The following PHKB variants were observed in gnomAD, a reference collection of about 807,000 sequenced individuals.
PHKB encodes the protein phosphorylase kinase regulatory subunit beta.
In PHKB, 122 loss-of-function variants were observed where a neutral mutation model predicts 152.1. That is an observed-to-expected ratio of 0.80 (90% CI 0.69 to 0.93). PHKB has a LOEUF of 0.93. Ranked by LOEUF, PHKB falls within the 40% of genes least tolerant of loss-of-function variation. The pLI, the probability that PHKB is intolerant of heterozygous loss-of-function variation, is 0.00. For synonymous variants in PHKB, 436 were observed against 464.9 expected (o/e 0.94, Z 0.80); for missense variants, 1,304 against 1,328.4 (o/e 0.98, Z 0.29).
intron 7 of PHKB, among the ~76,000 whole-genome samples, chr16:47,548,602 G>A (rs1243675471): frequency 2.1e-5 from 3 of 139,572 alleles, no homozygotes; most frequent in Admixed American, 1.4e-4. Context: ...GCAAGACTCC[G>A]TCTCAAAAAA....
chr16:47,513,776 G>A (rs1034273878), intron 5 of PHKB, among the ~76,000 whole-genome samples: 1 of 152,150 alleles, frequency 6.6e-6, no homozygotes. Context: ...TTTAACTCAG[G>A]CTTACAGTTT....
Position 47,525,971 on chromosome 16 carries a change from G to A in PHKB, c.594+10370G>A, listed in dbSNP as rs73549316. ...TCCTGTATACGGGTTTTCTCACTTT[G>A]TAGGATAGCTGGCCCTGGGGCAGTT... On this transcript the variant is annotated intron_variant, in intron 6 of 30. Coordinates refer to ENST00000323584, the MANE Select transcript of PHKB (RefSeq NM_000293.3). 2.1e-3 allele frequency among the ~76,000 whole-genome samples: 316 copies of A among 152,250 alleles called. 2 individuals are homozygous for A. The highest frequency in any genetic ancestry group is 7.4e-3 in the African/African-American group (309 of 41,538).
chr16:47,669,498 A>T (rs1202868978), intron 26 of PHKB, 81 bp downstream of exon 26: 14 of 1,234,080 alleles, frequency 1.1e-5, no homozygotes, highest in Non-Finnish European at 1.6e-5. Flanking sequence ...AAGTGAAGCA[A>T]TGTTCCTGGT....
intron 7 of PHKB, 161 bp downstream of exon 7, chr16:47,547,709 A>G (rs1971198626): frequency 1.7e-6 from 1 of 600,546 alleles, no homozygotes; most frequent in Non-Finnish European, 3.0e-6. Flanking sequence ...AATTAACACA[A>G]AAGAGCCCAT....
At chr16:47,551,414 T>G (rs1449701643) in intron 7 of PHKB, among the ~76,000 whole-genome samples, 1 of 152,196 alleles carries the variant, frequency 6.6e-6, no homozygotes, top group Non-Finnish European at 1.5e-5. Flanking sequence ...GTACATTGTG[T>G]CTTTGTTCTC....
Position 47,660,610 on chromosome 16 carries a change from T to C in PHKB, c.2033+43T>C, listed in dbSNP as rs183083915. ...ATTTCATTTTTGGGTTTTTTGAAATTACATTAGAAAAGCAGAAAATATGAA... is the reference window on the plus strand; with the variant it reads ...ATTTCATTTTTGGGTTTTTTGAAATCACATTAGAAAAGCAGAAAATATGAA... On this transcript the variant is annotated intron_variant, in intron 21 of 30. Coordinates refer to ENST00000323584, the MANE Select transcript of PHKB (RefSeq NM_000293.3). 50 of 1,612,292 alleles carry C rather than the reference T, an allele frequency of 3.1e-5. 1 individual carries two copies. In the Admixed American group the frequency reaches 8.0e-4, roughly 26 times the overall value.
chr16:47,626,810 G>C (rs556529259), intron 14 of PHKB, among the ~76,000 whole-genome samples: 3 of 152,238 alleles, frequency 2.0e-5, no homozygotes, highest in Admixed American at 1.3e-4. Context: ...TAAAATAGTT[G>C]TGCTGCTCTG....
At chr16:47,683,878 A>T (rs1973911949) in intron 26 of PHKB, among the ~76,000 whole-genome samples, 1 of 152,194 alleles carries the variant, frequency 6.6e-6, no homozygotes, top group African/African-American at 2.4e-5. Context: ...TGTAGACCGG[A>T]GCTGTTCCTA....
rs143884635 is a variant in PHKB, at chr16:47,641,622, A to T, written c.1538A>T (p.Tyr513Phe). ...AGACTTCAAGTTTTTCTGAACACAT[A>T]TGGTATTCAAACTCAAACTCCTCAA... ...SQRLQVFLNT[Y>F]GIQTQTPQQV... is the part of the protein sequence containing the mutation. The change falls in exon 16 of 31, where the codon TAT (tyrosine) becomes TTT (phenylalanine). Residue 513 changes from tyrosine (Y) to phenylalanine (F), a missense_variant. Tyr to Phe is a conservative substitution (Grantham distance 22). Coordinates refer to ENST00000323584, the MANE Select transcript of PHKB (RefSeq NM_000293.3). 6.3e-7 allele frequency: 1 copy of T among 1,593,868 alleles called. No homozygotes were observed. The highest frequency in any genetic ancestry group is 2.2e-5 in the East Asian group (1 of 44,786).
At chr16:47,532,637 C>T (rs1410380185) in intron 6 of PHKB, among the ~76,000 whole-genome samples, 1 of 152,192 alleles carries the variant, frequency 6.6e-6, no homozygotes, top group Admixed American at 6.5e-5. Context: ...TGCAGCTGGA[C>T]CAGGTGCACT....
chr16:47,647,008 T>G (rs548236649), intron 16 of PHKB, among the ~76,000 whole-genome samples: 3 of 152,302 alleles, frequency 2.0e-5, no homozygotes, highest in African/African-American at 7.2e-5. Flanking sequence ...CTATCTGTTT[T>G]TAACCTTATA....
chr16:47,461,518 G>C lies in PHKB; in HGVS notation c.76+92G>C. The C allele has an allele frequency of 3.9e-6, 5 of 1,281,930 alleles. No individual in the cohort carries two copies. In the Admixed American group the frequency reaches 5.3e-5, roughly 14 times the overall value. 79.4% of individuals were successfully genotyped at this position (1,281,930 alleles called of 1,614,324 possible). A position where few individuals can be genotyped will look rare whatever the true frequency, so the allele number is the denominator to read the frequency against. Reference sequence around the variant, plus strand: ...GGCGGGAGGCAGGTGGGGGCCCTGGGAATGAACCTGTGCCCCGAGTTCCTC... The same window carrying C: ...GGCGGGAGGCAGGTGGGGGCCCTGGCAATGAACCTGTGCCCCGAGTTCCTC... On this transcript the variant is annotated intron_variant, in intron 1 of 30. Coordinates refer to ENST00000323584, the MANE Select transcript of PHKB (RefSeq NM_000293.3).
intron 6 of PHKB, among the ~76,000 whole-genome samples, chr16:47,538,704 G>T (rs1159675230): frequency 6.6e-6 from 1 of 152,178 alleles, no homozygotes; most frequent in Non-Finnish European, 1.5e-5. Context: ...TTGACTCTGA[G>T]CATAGAGATT....
intron 7 of PHKB, among the ~76,000 whole-genome samples, chr16:47,574,916 T>C (rs960017645): frequency 2.0e-5 from 3 of 152,262 alleles, no homozygotes; most frequent in African/African-American, 7.2e-5. Context: ...ATATTCTTTT[T>C]ATTTCCTTTT....
chr16:47,594,114 G>A, intron 11 of PHKB, 23 bp from the exon 12 acceptor site: 1 of 1,293,298 alleles, frequency 7.7e-7, no homozygotes, highest in Non-Finnish European at 1.1e-6. Flanking sequence ...AGCTGCTATT[G>A]GATTTTATAT....
chr16:47,610,898 T>G lies in PHKB; in HGVS notation c.1436T>G (p.Val479Gly). ...RYVPLKDQRN[V>G]SMRFSNQGPL... ...GTCCCACTAAAGGATCAACGTAACG[T>G]GAGCATGAGGTTTTCCAATCAGGTA... is the stretch of plus-strand genomic sequence containing the variant. Residue 479 changes from valine (V) to glycine (G), a missense_variant, in exon 14 of 31, where the codon GTG becomes GGG. Physicochemically the swap from Val to Gly is moderately radical, Grantham distance 109. Transcript: ENST00000323584. The G allele has an allele frequency of 5.0e-6, 8 of 1,594,066 alleles. No homozygotes were observed. Among genetic ancestry groups the G allele is most frequent in the Non-Finnish European group, 6.9e-6 (8 of 1,161,684 alleles).
At chr16:47,549,080 GAA>G (rs1199167744) in intron 7 of PHKB, among the ~76,000 whole-genome samples, 3 of 152,154 alleles carry the variant, frequency 2.0e-5, no homozygotes, top group Non-Finnish European at 2.9e-5. Context: ...ATCAATCAAT[GAA>G]AAAGTCAGTG....
At chr16:47,641,387 C>G (rs1228157533) in intron 15 of PHKB, among the ~76,000 whole-genome samples, 1 of 152,178 alleles carries the variant, frequency 6.6e-6, no homozygotes. Context: ...TCAGTGCTTT[C>G]CCTCCCTGTC....
At chr16:47,537,702 G>GA (rs1970975906) in intron 6 of PHKB, among the ~76,000 whole-genome samples, 1 of 151,956 alleles carries the variant, frequency 6.6e-6, no homozygotes, top group African/African-American at 2.4e-5. Flanking sequence ...GTCTGATGGG[G>GA]AAAAAAGCAG....
Sources: allele counts gnomAD v4.1 joint callset (sites outside exome capture counted in the v4.1 genomes callset), GRCh38; gene constraint gnomAD v4.1.1; transcripts MANE v1.5; gene names NCBI Gene and HGNC (gene_info 2026-07-23, HGNC 2026-07-21).